Variants in NT5M observed in about 807,000 individuals in gnomAD.
NT5M encodes the protein 5',3'-nucleotidase, mitochondrial.
A neutral mutation model predicts 22.2 loss-of-function variants in NT5M; 22 were observed. The ratio of observed to expected loss-of-function variants is 0.99; its 90% CI spans 0.71 to 1.41. NT5M has a LOEUF of 1.41. NT5M is among the 40% of genes most tolerant of loss of function. NT5M has a pLI of 0.00. For missense variants in NT5M, 322 were observed against 314.8 expected, an observed-to-expected ratio of 1.02 and a Z score of -0.17; for synonymous variants, 167 against 133.0, an observed-to-expected ratio of 1.26 and a Z score of -1.76.
chr17:17,342,348 G>A (rs531937121), intron 3 of NT5M, among the ~76,000 whole-genome samples: 3 of 152,094 alleles, frequency 2.0e-5, no homozygotes, highest in East Asian at 1.9e-4. Context: ...CACCACTATC[G>A]TGGCACATCA....
At chr17:17,325,782 TCTC>T (rs1340135972) in intron 3 of NT5M, among the ~76,000 whole-genome samples, 4 of 152,088 alleles carry the variant, frequency 2.6e-5, no homozygotes, top group Non-Finnish European at 5.9e-5. Flanking sequence ...CTTGGAATGT[TCTC>T]CTCCCACCCC....
At chr17:17,320,023 G>A (rs1170124473) in intron 2 of NT5M, among the ~76,000 whole-genome samples, 1 of 152,052 alleles carries the variant, frequency 6.6e-6, no homozygotes. Flanking sequence ...TCTATTTTTA[G>A]TATAGACAGG....
chr17:17,331,234 C>G (rs1478655897), intron 3 of NT5M, among the ~76,000 whole-genome samples: 1 of 151,528 alleles, frequency 6.6e-6, no homozygotes, highest in Non-Finnish European at 1.5e-5. Context: ...CAGTGTCACC[C>G]CTGCCATCTC....
chr17:17,325,960 C>T (rs2049258437), intron 3 of NT5M, among the ~76,000 whole-genome samples: 1 of 152,226 alleles, frequency 6.6e-6, no homozygotes, highest in South Asian at 2.1e-4. Context: ...CTTGGTCCAT[C>T]TCCTGACTGG....
Position 17,338,980 on chromosome 17 carries a change from G to A in NT5M, c.430-5814G>A, listed in dbSNP as rs550473533. 2.0e-5 allele frequency among the ~76,000 whole-genome samples: 3 copies of A among 152,168 alleles called. No homozygotes were observed. The East Asian group carries it at 5.8e-4, about 29-fold the overall frequency. Reference sequence around the variant, plus strand: ...CTGACCTCGTGATCTGCCTGCCTCGGCCTCCCGAAGTGCTAGGATTACAGG... The same window carrying A: ...CTGACCTCGTGATCTGCCTGCCTCGACCTCCCGAAGTGCTAGGATTACAGG... On this transcript the variant is annotated intron_variant, in intron 3 of 4. Transcript: ENST00000389022.
intron 2 of NT5M, among the ~76,000 whole-genome samples, chr17:17,322,768 C>T (rs970388871): frequency 2.3e-4 from 35 of 152,112 alleles, no homozygotes; most frequent in African/African-American, 7.5e-4. Flanking sequence ...GCTCCTCACG[C>T]GGAGCCAAGC....
chr17:17,329,395 G>A lies in NT5M; in HGVS notation c.429+6150G>A, dbSNP rs765843319. On this transcript the variant is annotated intron_variant, in intron 3 of 4. Transcript: ENST00000389022. ...AGTCAGACTTCAGAGCCCATGCTCT[G>A]CTCCTCGGCCTCACTGCCTCTTCTC... Among the ~76,000 whole-genome samples, 141 of 152,320 alleles carry A rather than the reference G, an allele frequency of 9.3e-4. 1 individual carries two copies. The highest frequency in any genetic ancestry group is 1.7e-3 in the Non-Finnish European group (118 of 68,038).
intron 3 of NT5M, among the ~76,000 whole-genome samples, chr17:17,330,781 C>A (rs187095609): frequency 8.6e-6 from 1 of 116,684 alleles, no homozygotes; most frequent in African/African-American, 3.2e-5. Flanking sequence ...CTCACTTTGT[C>A]ACCCAGGCTG....
chr17:17,303,736 C>A lies in NT5M; in HGVS notation c.186C>A (p.Pro62=). The A allele has an allele frequency of 6.3e-7, 1 of 1,591,316 alleles. No individual in the cohort carries two copies. Among genetic ancestry groups the A allele is most frequent in the Non-Finnish European group, 8.5e-7 (1 of 1,170,986 alleles). ...TCAGGAAGTTCCGCGCGCGCTTTCC[C>A]GACCAGCCCTTCATCGCGCTGGAGG... ...GFLRKFRARF[P]DQPFIALEDR... Residue 62 remains proline (P), a synonymous_variant, in exon 1 of 5, where the codon CCC becomes CCA. Coordinates refer to ENST00000389022, the MANE Select transcript of NT5M (RefSeq NM_020201.4).
chr17:17,308,718 A>G (rs1295087077), intron 2 of NT5M, among the ~76,000 whole-genome samples: 1 of 152,164 alleles, frequency 6.6e-6, no homozygotes, highest in Non-Finnish European at 1.5e-5. Flanking sequence ...CATCATCCCC[A>G]AAAGAAACCC....
At position 17,335,945 on chromosome 17, in the gene NT5M, T is replaced by G. The variant is rs541324376; in HGVS notation, c.430-8849T>G. On this transcript the variant is annotated intron_variant, in intron 3 of 4. Coordinates refer to ENST00000389022, the MANE Select transcript of NT5M (RefSeq NM_020201.4). Reference sequence around the variant, plus strand: ...CCACGCCTGGCCATGAACAATTAAATTATTTTTGATTATAGTCACCCTGTT... The same window carrying G: ...CCACGCCTGGCCATGAACAATTAAAGTATTTTTGATTATAGTCACCCTGTT... 2.6e-5 allele frequency among the ~76,000 whole-genome samples: 4 copies of G among 150,992 alleles called. No individual in the cohort carries two copies. The South Asian group carries it at 6.3e-4, about 24-fold the overall frequency.
intron 2 of NT5M, among the ~76,000 whole-genome samples, chr17:17,315,811 G>A (rs2049014244): frequency 7.1e-6 from 1 of 140,232 alleles, no homozygotes; most frequent in African/African-American, 2.6e-5. Flanking sequence ...CTAGAGTGCA[G>A]CGGTGTGATC....
At position 17,303,697 on chromosome 17, in the gene NT5M, CGAGGGCG is replaced by C; in HGVS notation, c.150_156del (p.Glu50AspfsTer37). 6.3e-7 allele frequency: 1 copy of C among 1,589,428 alleles called. No individual in the cohort carries two copies. Among genetic ancestry groups the C allele is most frequent in the South Asian group, 1.1e-5 (1 of 88,072 alleles). On this transcript the variant is annotated frameshift_variant, in exon 1 of 5. Transcript: ENST00000389022. LOFTEE classifies it high-confidence loss of function. ...ACATGGACGGCGTGCTGGCTGACTT[CGAGGGCG>C]GATTCCTCAGGAAGTTCCGCGCGCG...
At chr17:17,310,013 A>T (rs1040315807) in intron 2 of NT5M, among the ~76,000 whole-genome samples, 10 of 151,768 alleles carry the variant, frequency 6.6e-5, no homozygotes, top group Non-Finnish European at 1.3e-4. Context: ...TTTAGTAGAG[A>T]CGGGGCTTCA....
intron 2 of NT5M, among the ~76,000 whole-genome samples, chr17:17,322,361 C>A (rs779807875): frequency 2.4e-4 from 36 of 152,028 alleles, no homozygotes; most frequent in Non-Finnish European, 4.6e-4. Context: ...TGGGGAGGTG[C>A]TCCCTTCGTG....
chr17:17,337,747 G>A (rs1394103642), intron 3 of NT5M, among the ~76,000 whole-genome samples: 1 of 152,122 alleles, frequency 6.6e-6, no homozygotes, highest in Non-Finnish European at 1.5e-5. Flanking sequence ...TTTAAAATCA[G>A]ATTATTAGAT....
intron 3 of NT5M, among the ~76,000 whole-genome samples, chr17:17,341,489 C>T (rs553599663): frequency 1.9e-4 from 29 of 152,254 alleles, no homozygotes; most frequent in African/African-American, 6.7e-4. Flanking sequence ...TTTCTGTGTG[C>T]CAGGTGCAGT....
chr17:17,328,704 C>T (rs562390534), intron 3 of NT5M, among the ~76,000 whole-genome samples: 22 of 152,282 alleles, frequency 1.4e-4, no homozygotes, highest in African/African-American at 5.1e-4. Flanking sequence ...AAACTTTTCT[C>T]CTTGGTTGAT....
At chr17:17,328,903 G>A (rs2049316604) in intron 3 of NT5M, among the ~76,000 whole-genome samples, 1 of 152,324 alleles carries the variant, frequency 6.6e-6, no homozygotes, top group East Asian at 1.9e-4. Flanking sequence ...CAAGCTGGTA[G>A]TATACGTCTC....
Sources: allele counts gnomAD v4.1 joint callset (sites outside exome capture counted in the v4.1 genomes callset), GRCh38; gene constraint gnomAD v4.1.1; transcripts MANE v1.5; gene names NCBI Gene and HGNC (gene_info 2026-07-23, HGNC 2026-07-21).